Variants in MAF observed in about 807,000 individuals in gnomAD.
The protein encoded by MAF is MAF bZIP transcription factor.
Under a neutral mutation model 22.0 loss-of-function variants are expected in MAF, and 10 were observed. The ratio of observed to expected loss-of-function variants is 0.45; its 90% confidence interval spans 0.28 to 0.77. The LOEUF (loss-of-function observed/expected upper bound fraction) is 0.77, where lower values mean the gene tolerates loss of function less well. MAF is among the 30% of genes least tolerant of loss of function. MAF has a pLI of 0.12. For synonymous variants in MAF, 337 were observed against 255.8 expected, an observed-to-expected ratio of 1.32 and a Z score of -3.03; for missense variants, 544 against 548.4, an observed-to-expected ratio of 0.99 and a Z score of 0.08.
chr16:79,420,854 ACC>A, the MAF span, among the ~76,000 whole-genome samples: 2 of 152,106 alleles, frequency 1.3e-5, no homozygotes, highest in Non-Finnish European at 2.9e-5. Flanking sequence ...ACGTGGAGAA[ACC>A]CCTGCCGTCT....
At chr16:79,378,292 C>A in the MAF span, among the ~76,000 whole-genome samples, 28 of 152,214 alleles carry the variant, frequency 1.8e-4, no homozygotes, top group Admixed American at 6.5e-4. Flanking sequence ...TACAGCAATG[C>A]CAGTGGACTT....
the MAF span, among the ~76,000 whole-genome samples, chr16:79,304,539 C>T: frequency 2.0e-5 from 3 of 152,152 alleles, no homozygotes; most frequent in Middle Eastern, 6.8e-3. Context: ...ACTACCAGAA[C>T]TAGCCCTTTT....
At chr16:79,503,765 G>A in the MAF span, among the ~76,000 whole-genome samples, 1 of 152,198 alleles carries the variant, frequency 6.6e-6, no homozygotes, top group East Asian at 1.9e-4. Context: ...GAGCAACTGT[G>A]TTGAATTGCT....
chr16:79,445,462 G>A, the MAF span, among the ~76,000 whole-genome samples: 1 of 152,224 alleles, frequency 6.6e-6, no homozygotes, highest in African/African-American at 2.4e-5. Flanking sequence ...CTTCAGAGAT[G>A]TAACATATGG....
the MAF span, among the ~76,000 whole-genome samples, chr16:79,302,042 A>G: frequency 1.3e-5 from 2 of 152,166 alleles, no homozygotes; most frequent in Non-Finnish European, 2.9e-5. Context: ...GGTCATCCAG[A>G]TGGACTTCCG....
At chr16:79,394,318 A>G in the MAF span, among the ~76,000 whole-genome samples, 1 of 152,124 alleles carries the variant, frequency 6.6e-6, no homozygotes, top group African/African-American at 2.4e-5. Flanking sequence ...AGGAATATAG[A>G]AATCTGGAAA....
At chr16:79,271,882 A>G in the MAF span, among the ~76,000 whole-genome samples, 1 of 152,254 alleles carries the variant, frequency 6.6e-6, no homozygotes, top group African/African-American at 2.4e-5. Context: ...CAGTAGCAGA[A>G]GAAGTGAGAA....
the MAF span, among the ~76,000 whole-genome samples, chr16:79,521,860 C>T: frequency 6.6e-6 from 1 of 152,128 alleles, no homozygotes; most frequent in African/African-American, 2.4e-5. Flanking sequence ...TCTCACAATC[C>T]TATGTAATAA....
At chr16:79,536,762 G>A in the MAF span, among the ~76,000 whole-genome samples, 26 of 152,214 alleles carry the variant, frequency 1.7e-4, no homozygotes, top group African/African-American at 2.4e-4. Context: ...AGTAACACCC[G>A]TTTACATAGC....
the MAF span, among the ~76,000 whole-genome samples, chr16:79,508,995 C>A: frequency 6.6e-6 from 1 of 152,120 alleles, no homozygotes; most frequent in Non-Finnish European, 1.5e-5. Flanking sequence ...ATACTTTAAA[C>A]CAGATAATTA....
At chr16:79,548,251 C>T in the MAF span, among the ~76,000 whole-genome samples, 5 of 152,018 alleles carry the variant, frequency 3.3e-5, no homozygotes, top group Admixed American at 1.3e-4. Context: ...TTTCTAAGTA[C>T]GGATGTTTAA....
At chr16:79,362,271 A>C in the MAF span, among the ~76,000 whole-genome samples, 1 of 152,202 alleles carries the variant, frequency 6.6e-6, no homozygotes, top group East Asian at 1.9e-4. Context: ...TTTGTGTTAG[A>C]GTGTTTGTGT....
At chr16:79,210,745 C>T in the MAF span, among the ~76,000 whole-genome samples, 8 of 152,130 alleles carry the variant, frequency 5.3e-5, no homozygotes, top group African/African-American at 1.9e-4. Flanking sequence ...TGATTTCTTG[C>T]CCTCTTTATA....
chr16:79,559,637 A>T, the MAF span, among the ~76,000 whole-genome samples: 931 of 122,804 alleles, frequency 7.6e-3, 10 homozygotes, highest in African/African-American at 0.028. Flanking sequence ...AGATGTTCAT[A>T]AAAAAAAAAC....
chr16:79,207,785 G>C, the MAF span, among the ~76,000 whole-genome samples: 6 of 95,678 alleles, frequency 6.3e-5, no homozygotes, highest in South Asian at 1.6e-3. Flanking sequence ...CAATATGTGG[G>C]TGCTTTTTTT....
chr16:79,585,495 C>A (rs1422069879), downstream of MAF, among the ~76,000 whole-genome samples: 1 of 152,132 alleles, frequency 6.6e-6, no homozygotes, highest in Admixed American at 6.6e-5. Context: ...CAGATTCACC[C>A]AAATTATCTG....
the MAF span, among the ~76,000 whole-genome samples, chr16:79,236,130 T>C: frequency 2.6e-5 from 4 of 152,050 alleles, no homozygotes; most frequent in Non-Finnish European, 5.9e-5. Context: ...GAAGAATATT[T>C]TACAATGCAA....
the MAF span, among the ~76,000 whole-genome samples, chr16:79,575,252 C>G: frequency 2.0e-5 from 3 of 152,138 alleles, no homozygotes; most frequent in Non-Finnish European, 4.4e-5. Context: ...ATTGCCCAAG[C>G]CTTACCCAAT....
chr16:79,493,277 G>A, the MAF span, among the ~76,000 whole-genome samples: 3 of 152,064 alleles, frequency 2.0e-5, no homozygotes, highest in Non-Finnish European at 4.4e-5. Context: ...TTGCCTCCTG[G>A]GTTGAAGCAA....
Sources: gnomAD v4.1 joint callset for allele counts (sites outside exome capture counted in the v4.1 genomes callset) on GRCh38, gnomAD v4.1.1 for gene constraint, MANE v1.5 for transcripts, NCBI Gene and HGNC (gene_info 2026-07-23, HGNC 2026-07-21) for gene names.